Variants in WBP2NL observed in about 807,000 individuals in gnomAD.
WBP2NL encodes WBP2 N-terminal like.
In WBP2NL, 27 loss-of-function variants were observed where a neutral mutation model predicts 23.3. The ratio of observed to expected loss-of-function variants is 1.16; its 90% CI spans 0.85 to 1.60. The LOEUF (loss-of-function observed/expected upper bound fraction) is 1.60, where lower values mean the gene tolerates loss of function less well. WBP2NL is among the 40% of genes most tolerant of loss of function. WBP2NL has a pLI of 0.00. For synonymous variants in WBP2NL, 151 were observed against 145.9 expected (o/e 1.03, Z -0.25); for missense variants, 370 against 389.5 (o/e 0.95, Z 0.42).
intron 8 of WBP2NL, among the ~76,000 whole-genome samples, chr22:42,044,453 GAA>G (rs1342685083): frequency 6.6e-6 from 1 of 152,126 alleles, no homozygotes; most frequent in African/African-American, 2.4e-5. Flanking sequence ...GCCATAGCAG[GAA>G]TTAATAGAGA....
chr22:42,032,768 AATGGATTAG>A (rs1569453032), downstream of WBP2NL: 1 of 470,444 alleles, frequency 2.1e-6, no homozygotes, highest in Non-Finnish European at 4.4e-6. Context: ...AAGCTTCCTA[AATGGATTAG>A]AAAGAAGGGG....
intron 1 of WBP2NL, chr22:42,003,265 C>T (rs1344285960): frequency 6.6e-6 from 1 of 152,018 alleles, no homozygotes; most frequent in East Asian, 1.9e-4. Flanking sequence ...TACTGTAAAA[C>T]ATTGTGAAAT....
chr22:42,001,196 C>T, intron 1 of WBP2NL: 1 of 751,954 alleles, frequency 1.3e-6, no homozygotes, highest in Non-Finnish European at 2.4e-6. Context: ...CTTCCTCCAG[C>T]AGTCAAATGT....
intron 1 of WBP2NL, among the ~76,000 whole-genome samples, chr22:42,014,524 G>C (rs1406813755): frequency 6.6e-6 from 1 of 152,090 alleles, no homozygotes; most frequent in Non-Finnish European, 1.5e-5. Flanking sequence ...ACCGCGCCTG[G>C]CCCCAAATGT....
intron 5 of WBP2NL, among the ~76,000 whole-genome samples, chr22:42,025,727 A>C (rs1350451880): frequency 6.6e-6 from 1 of 152,196 alleles, no homozygotes; most frequent in Non-Finnish European, 1.5e-5. Flanking sequence ...TAGTTTTGTA[A>C]TAAATTTTGG....
At chr22:42,020,973 G>C (rs1923921140) in intron 4 of WBP2NL, among the ~76,000 whole-genome samples, 1 of 123,394 alleles carries the variant, frequency 8.1e-6, no homozygotes, top group Non-Finnish European at 1.6e-5. Flanking sequence ...AGGCTGGAGT[G>C]CAATCATGCA....
intron 8 of WBP2NL, among the ~76,000 whole-genome samples, chr22:42,050,861 G>A (rs1925816248): frequency 1.3e-5 from 2 of 152,170 alleles, no homozygotes; most frequent in Non-Finnish European, 2.9e-5. Flanking sequence ...TTCTGGTGAG[G>A]ATGTGGAGCA....
intron 1 of WBP2NL, among the ~76,000 whole-genome samples, chr22:42,006,532 C>T (rs564681793): frequency 3.2e-4 from 49 of 152,290 alleles, no homozygotes; most frequent in Admixed American, 7.8e-4. Flanking sequence ...CGCTCCCAGC[C>T]GGCTTTGTTT....
rs866034326 is a variant in WBP2NL at position 42,027,107 on chromosome 22, G to A, written c.856G>A (p.Glu286Lys). 1.2e-6 allele frequency: 2 copies of A among 1,614,140 alleles called. No individual in the cohort carries two copies. Among genetic ancestry groups the A allele is most frequent in the Admixed American group, 1.7e-5 (1 of 60,012 alleles). ...SPAGSGARPQ[E>K]STAAQAPENE... ...TGCTGGATCAGGAGCCAGGCCTCAG[G>A]AATCTACAGCAGCCCAGGCTCCTGA... is the stretch of plus-strand genomic sequence containing the variant. Residue 286 changes from glutamate (E) to lysine (K), a missense_variant, in exon 6 of 6, where the codon GAA (glutamate) becomes AAA (lysine). Transcript: ENST00000328823.
At chr22:42,012,982 ACT>A (rs1416671759) in intron 1 of WBP2NL, among the ~76,000 whole-genome samples, 6 of 146,208 alleles carry the variant, frequency 4.1e-5, no homozygotes, top group Admixed American at 2.8e-4. Flanking sequence ...ATGGAGCATG[ACT>A]CTGTCTCAAA....
At chr22:42,002,089 T>C in intron 1 of WBP2NL, 1 of 424,188 alleles carries the variant, frequency 2.4e-6, no homozygotes, top group Non-Finnish European at 4.1e-6. Flanking sequence ...GGGCTATGGG[T>C]GTCTCTCTAC....
chr22:42,048,008 A>G (rs965748251), intron 8 of WBP2NL, among the ~76,000 whole-genome samples: 1 of 152,240 alleles, frequency 6.6e-6, no homozygotes, highest in African/African-American at 2.4e-5. Flanking sequence ...AAAACAAAAT[A>G]TTAATAAACG....
At chr22:42,022,406 A>G in intron 5 of WBP2NL, 50 bp downstream of exon 5, 1 of 1,496,642 alleles carries the variant, frequency 6.7e-7, no homozygotes, top group Non-Finnish European at 9.1e-7. Context: ...ATTATGCCAG[A>G]GGCTCAAAGA....
chr22:42,047,354 C>T (rs893152768), intron 8 of WBP2NL, among the ~76,000 whole-genome samples: 29 of 151,004 alleles, frequency 1.9e-4, no homozygotes, highest in Middle Eastern at 3.4e-3. Context: ...ATGTAAATAC[C>T]AGAACCATGG....
intron 8 of WBP2NL, among the ~76,000 whole-genome samples, chr22:42,038,485 T>C (rs1023572909): frequency 6.6e-6 from 1 of 152,238 alleles, no homozygotes; most frequent in Non-Finnish European, 1.5e-5. Context: ...CTTTATAAAA[T>C]GAGTTTGGGA....
intron 8 of WBP2NL, among the ~76,000 whole-genome samples, chr22:42,048,870 A>C (rs1433040742): frequency 1.3e-5 from 2 of 152,212 alleles, no homozygotes; most frequent in South Asian, 2.1e-4. Flanking sequence ...TACAGGTGAC[A>C]TAAAACTCTG....
intron 1 of WBP2NL, 84 bp downstream of exon 1, chr22:41,998,964 CAG>C (rs1921235961): frequency 4.1e-6 from 6 of 1,472,022 alleles, no homozygotes; most frequent in Non-Finnish European, 5.5e-6. Flanking sequence ...CTCAGCGAGT[CAG>C]GGACTTTGCC....
At chr22:41,999,430 C>G (rs1314035230) in intron 1 of WBP2NL, among the ~76,000 whole-genome samples, 2 of 152,206 alleles carry the variant, frequency 1.3e-5, no homozygotes, top group Non-Finnish European at 2.9e-5. Context: ...TGGAAACTTT[C>G]TAAAGCCATG....
chr22:42,031,230 G>A (rs918523858), downstream of WBP2NL: 2 of 152,154 alleles, frequency 1.3e-5, no homozygotes, highest in Non-Finnish European at 2.9e-5. Flanking sequence ...TCCCCCAAAG[G>A]CTCAGTCCAA....
Sources: allele counts gnomAD v4.1 joint callset (sites outside exome capture counted in the v4.1 genomes callset), GRCh38; gene constraint gnomAD v4.1.1; transcripts MANE v1.5; gene names NCBI Gene and HGNC (gene_info 2026-07-23, HGNC 2026-07-21).